Variants in NEMP2 observed in about 807,000 individuals in gnomAD.
The protein encoded by NEMP2 is UPF0571 transmembrane protein.
A neutral mutation model predicts 54.2 loss-of-function variants in NEMP2; 53 were observed. The ratio of observed to expected loss-of-function variants is 0.98; its 90% CI spans 0.78 to 1.23. The LOEUF (loss-of-function observed/expected upper bound fraction) is 1.23, where lower values mean the gene tolerates loss of function less well. Ranked by LOEUF, NEMP2 falls within the 50% of genes most tolerant of loss-of-function variation. NEMP2 has a pLI of 0.00. For synonymous variants in NEMP2, 197 were observed against 190.3 expected, an observed-to-expected ratio of 1.04 and a Z score of -0.29; for missense variants, 455 against 511.3, an observed-to-expected ratio of 0.89 and a Z score of 1.06.
chr2:190,525,259 T>C lies in NEMP2; in HGVS notation c.213+4A>G. 6.6e-7 allele frequency: 1 copy of C among 1,504,390 alleles called. No individual in the cohort carries two copies. The allele number at this position is 1,504,390 out of a possible 1,614,324, so 93.2% of individuals were successfully genotyped here. A position where few individuals can be genotyped will look rare whatever the true frequency, so the allele number is the denominator to read the frequency against. ...TAAGACATGAGTTAAAAGTAGGCCCTTACCTGCATAGTTGACCATATGTAT... is the reference window on the plus strand; with the variant it reads ...TAAGACATGAGTTAAAAGTAGGCCCCTACCTGCATAGTTGACCATATGTAT... On this transcript the variant is annotated splice_donor_region_variant and intron_variant, in intron 2 of 8. Coordinates refer to ENST00000409150, the MANE Select transcript of NEMP2 (RefSeq NM_001142645.2). This position sits in a 1 kb window ranked among gnomAD's most constrained non-coding sequence, Gnocchi z 5.0.
chr2:190,582,249 G>A, the NEMP2 span, among the ~76,000 whole-genome samples: 1 of 152,258 alleles, frequency 6.6e-6, no homozygotes, highest in East Asian at 1.9e-4. This position sits in a 1 kb window ranked among gnomAD's most constrained non-coding sequence, Gnocchi z 4.6. Context: ...GTTTACTGTG[G>A]TGTGAGCAAA....
chr2:190,526,864 G>A (rs1175131868), intron 1 of NEMP2, among the ~76,000 whole-genome samples: 1 of 152,082 alleles, frequency 6.6e-6, no homozygotes, highest in Non-Finnish European at 1.5e-5. Context: ...ATATATGTAT[G>A]CTATATATAA....
In NEMP2 at chr2:190,519,054, T is replaced by TA. The variant is rs1690664098; in HGVS notation, c.342dup (p.Asn115Ter). On this transcript the variant is annotated frameshift_variant, in exon 3 of 9. Transcript: ENST00000409150. LOFTEE classifies it high-confidence loss of function. The surrounding 1 kb of genome is among the most constrained non-coding windows in gnomAD (Gnocchi z 5.4). ...GGATTGATGATTATGGTTATTTCGTTAGATTCCTTTGGTATCCAAAAGTTA... is the reference window on the plus strand; with the variant it reads ...GGATTGATGATTATGGTTATTTCGTTAAGATTCCTTTGGTATCCAAAAGTTA... The TA allele has an allele frequency of 1.3e-6, 2 of 1,551,294 alleles. No homozygotes were observed. Among genetic ancestry groups the TA allele is most frequent in the Admixed American group, 2.0e-5 (1 of 50,988 alleles).
the NEMP2 span, chr2:190,625,241 T>C: frequency 6.6e-6 from 1 of 152,286 alleles, no homozygotes; most frequent in South Asian, 2.1e-4. Context: ...GTTATAGCCA[T>C]ACGATGGAAT....
At chr2:190,426,915 C>G in the NEMP2 span, among the ~76,000 whole-genome samples, 1 of 152,178 alleles carries the variant, frequency 6.6e-6, no homozygotes, top group African/African-American at 2.4e-5. This position sits in a 1 kb window ranked among gnomAD's most constrained non-coding sequence, Gnocchi z 4.7. Context: ...TTTATTACTG[C>G]CAGCTGGAGG....
the NEMP2 span, among the ~76,000 whole-genome samples, chr2:190,442,308 G>A: frequency 3.3e-5 from 5 of 152,142 alleles, no homozygotes; most frequent in Non-Finnish European, 5.9e-5. Flanking sequence ...CCTCAGATTA[G>A]TAAGATGCAG....
chr2:190,455,934 C>CTGT, the NEMP2 span, among the ~76,000 whole-genome samples: 1 of 65,370 alleles, frequency 1.5e-5, no homozygotes, highest in Non-Finnish European at 2.5e-5. Context: ...ATTTACTCTG[C>CTGT]TTTTTTTTTT....
At chr2:190,448,101 G>A in the NEMP2 span, among the ~76,000 whole-genome samples, 1 of 152,158 alleles carries the variant, frequency 6.6e-6, no homozygotes, top group Non-Finnish European at 1.5e-5. Context: ...AACACCATGT[G>A]TACTGTACCT....
the NEMP2 span, among the ~76,000 whole-genome samples, chr2:190,457,821 C>T: frequency 1.3e-5 from 2 of 152,316 alleles, no homozygotes; most frequent in South Asian, 4.2e-4. The surrounding 1 kb of genome is among the most constrained non-coding windows in gnomAD (Gnocchi z 5.1). Context: ...GCCCTGGATG[C>T]CACCACCTTG....
the NEMP2 span, among the ~76,000 whole-genome samples, chr2:190,591,586 T>C: frequency 6.6e-6 from 1 of 152,212 alleles, no homozygotes; most frequent in East Asian, 1.9e-4. This position sits in a 1 kb window ranked among gnomAD's most constrained non-coding sequence, Gnocchi z 5.4. Flanking sequence ...CTGTGGTCAC[T>C]ATAAAGCATG....
At chr2:190,482,874 T>TG in the NEMP2 span, among the ~76,000 whole-genome samples, 2 of 23,422 alleles carry the variant, frequency 8.5e-5, no homozygotes, top group Non-Finnish European at 1.1e-4. Flanking sequence ...TCATCTTTTT[T>TG]TTTTTTTTTT....
At chr2:190,544,369 T>A in the NEMP2 span, among the ~76,000 whole-genome samples, 1 of 152,164 alleles carries the variant, frequency 6.6e-6, no homozygotes, top group Admixed American at 6.5e-5. Context: ...AGAATAAATA[T>A]AATTTATTAA....
At chr2:190,648,672 G>A in the NEMP2 span, among the ~76,000 whole-genome samples, 1 of 151,662 alleles carries the variant, frequency 6.6e-6, no homozygotes, top group Non-Finnish European at 1.5e-5. Flanking sequence ...GAGCAGGCCG[G>A]AGGCGGCGTT....
the NEMP2 span, chr2:190,497,416 T>A: frequency 2.5e-6 from 4 of 1,604,162 alleles, no homozygotes; most frequent in Non-Finnish European, 3.4e-6. The surrounding 1 kb of genome is among the most constrained non-coding windows in gnomAD (Gnocchi z 5.2). Context: ...GAAAAAATAG[T>A]TTAAACATTC....
chr2:190,563,209 C>G, the NEMP2 span, among the ~76,000 whole-genome samples: 1 of 152,172 alleles, frequency 6.6e-6, no homozygotes, highest in Non-Finnish European at 1.5e-5. The surrounding 1 kb of genome is among the most constrained non-coding windows in gnomAD (Gnocchi z 4.3). Flanking sequence ...CTGCCACCCA[C>G]TCATCACCCA....
At chr2:190,497,627 C>T in the NEMP2 span, 1 of 1,614,118 alleles carries the variant, frequency 6.2e-7, no homozygotes, top group Non-Finnish European at 8.5e-7. The surrounding 1 kb of genome is among the most constrained non-coding windows in gnomAD (Gnocchi z 5.2). Flanking sequence ...CAGCTCTTCT[C>T]CCTGGGTGAC....
At chr2:190,436,205 A>C in the NEMP2 span, 1 of 1,614,188 alleles carries the variant, frequency 6.2e-7, no homozygotes, top group Non-Finnish European at 8.5e-7. This position sits in a 1 kb window ranked among gnomAD's most constrained non-coding sequence, Gnocchi z 5.3. Flanking sequence ...TGGATAGAGA[A>C]ACATTGTGTT....
At chr2:190,474,126 A>G in the NEMP2 span, among the ~76,000 whole-genome samples, 3 of 152,194 alleles carry the variant, frequency 2.0e-5, no homozygotes. Context: ...AAGATCCAAA[A>G]TTGACGCCCT....
the NEMP2 span, among the ~76,000 whole-genome samples, chr2:190,568,704 C>T: frequency 4.4e-4 from 67 of 152,170 alleles, 1 homozygote; most frequent in Non-Finnish European, 7.1e-4. The surrounding 1 kb of genome is among the most constrained non-coding windows in gnomAD (Gnocchi z 4.7). Context: ...TGCCTGTAAT[C>T]CCAGCTACTC....
Sources: gnomAD v4.1 joint callset for allele counts (sites outside exome capture counted in the v4.1 genomes callset) on GRCh38, gnomAD v4.1.1 for gene constraint, Gnocchi (gnomAD v3.1) non-coding constraint, MANE v1.5 for transcripts, NCBI Gene and HGNC (gene_info 2026-07-23, HGNC 2026-07-21) for gene names.